XPR1: variants seen among roughly 807,000 people sequenced by gnomAD.
XPR1 encodes the protein solute carrier family 53 member 1.
Under a neutral mutation model 87.5 loss-of-function variants are expected in XPR1, and 28 were observed. That is an observed-to-expected ratio of 0.32 (90% CI 0.24 to 0.44). XPR1 has a LOEUF of 0.44. Among genes scored for constraint, XPR1 ranks in the 20% least tolerant of loss-of-function variants. The pLI is 1.00. For synonymous variants in XPR1, 300 were observed against 306.1 expected (o/e 0.98, Z 0.21); for missense variants, 559 against 862.3 (o/e 0.65, Z 4.41).
At chr1:180,773,513 T>G (rs1432110726) in intron 2 of XPR1, among the ~76,000 whole-genome samples, 1 of 152,236 alleles carries the variant, frequency 6.6e-6, no homozygotes. Flanking sequence ...TGGAAAACCA[T>G]TTTTAGCATA....
chr1:180,758,518 G>C (rs1161119326), intron 2 of XPR1, among the ~76,000 whole-genome samples: 1 of 152,114 alleles, frequency 6.6e-6, no homozygotes, highest in African/African-American at 2.4e-5. Flanking sequence ...GACCAACCTG[G>C]TCAACATGGT....
In XPR1 at chr1:180,825,838, G is replaced by A. The variant is rs569785437; in HGVS notation, c.1134+494G>A. Among the ~76,000 whole-genome samples the A allele has an allele frequency of 7.2e-5, 11 of 152,298 alleles. No homozygotes were observed. In the East Asian group the frequency reaches 2.1e-3, roughly 29 times the overall value. ...AGCCAAGGCGGGTGGATCATCTGAG[G>A]TCAGGAGTTTGAGACCAGCCTGACC... On this transcript the variant is annotated intron_variant, in intron 9 of 14. Transcript: ENST00000367590.
chr1:180,851,975 T>G (rs1440605593), intron 11 of XPR1, among the ~76,000 whole-genome samples: 1 of 151,596 alleles, frequency 6.6e-6, no homozygotes, highest in Admixed American at 6.6e-5. Flanking sequence ...ACAAAACATC[T>G]TCAATGTATC....
intron 13 of XPR1, among the ~76,000 whole-genome samples, chr1:180,876,408 A>C (rs1054131360): frequency 6.6e-6 from 1 of 152,050 alleles, no homozygotes; most frequent in Non-Finnish European, 1.5e-5. Flanking sequence ...GGCTGAGGTG[A>C]GTGGATCATT....
chr1:180,694,314 A>G (rs1474463111), intron 2 of XPR1, among the ~76,000 whole-genome samples: 1 of 152,162 alleles, frequency 6.6e-6, no homozygotes. Flanking sequence ...TCAAATTGTG[A>G]ACTAGAGCTT....
chr1:180,667,153 G>A (rs903950581), intron 1 of XPR1, among the ~76,000 whole-genome samples: 1 of 152,170 alleles, frequency 6.6e-6, no homozygotes, highest in African/African-American at 2.4e-5. Context: ...GAACTCAAGC[G>A]ATCTGCCTGC....
chr1:180,808,887 TA>T (rs1035197372), intron 6 of XPR1, among the ~76,000 whole-genome samples: 140 of 152,290 alleles, frequency 9.2e-4, no homozygotes, highest in African/African-American at 3.3e-3. Flanking sequence ...GGAAGTTTCT[TA>T]AAAGTGTACA....
chr1:180,880,242 CGGT>C lies in XPR1; in HGVS notation c.1976_1978del (p.Arg659_Ser660delinsPro). 6.2e-7 allele frequency: 1 copy of C among 1,614,158 alleles called. No individual in the cohort carries two copies. Among genetic ancestry groups the C allele is most frequent in the Admixed American group, 1.7e-5 (1 of 60,014 alleles). The stretch of plus-strand genomic sequence containing the variant: ...TGGGGTACGAAACCGCCAGAAGAAT[CGGT>C]CATGGAAGTACAACCAGAGCATATC... On this transcript the variant is annotated inframe_deletion, in exon 14 of 15. Transcript: ENST00000367590.
At chr1:180,820,349 G>T (rs890250952) in intron 7 of XPR1, among the ~76,000 whole-genome samples, 1 of 151,988 alleles carries the variant, frequency 6.6e-6, no homozygotes, top group African/African-American at 2.4e-5. Flanking sequence ...CCTATTCTGG[G>T]TATGTCCATA....
chr1:180,866,224 AAAAACAAAAAACT>A (rs1652386165), intron 12 of XPR1, among the ~76,000 whole-genome samples: 1 of 139,962 alleles, frequency 7.1e-6, no homozygotes, highest in South Asian at 2.1e-4. Flanking sequence ...AAAAAAAAAC[AAAAACAAAAAACT>A]AAAACAAAAG....
At chr1:180,780,869 C>G (rs962403862) in intron 2 of XPR1, among the ~76,000 whole-genome samples, 1 of 151,558 alleles carries the variant, frequency 6.6e-6, no homozygotes, top group African/African-American at 2.4e-5. Flanking sequence ...ATGTTTTCTC[C>G]CATTGTGTTT....
intron 2 of XPR1, among the ~76,000 whole-genome samples, chr1:180,693,981 A>G (rs1030790074): frequency 2.0e-5 from 3 of 152,178 alleles, no homozygotes; most frequent in Non-Finnish European, 4.4e-5. Flanking sequence ...TTTTAGAGAC[A>G]GGATCTTACT....
chr1:180,639,047 A>C (rs1654877226), intron 1 of XPR1, among the ~76,000 whole-genome samples: 1 of 152,224 alleles, frequency 6.6e-6, no homozygotes, highest in Admixed American at 6.5e-5. Context: ...CTGTAATCCC[A>C]GTACTTTGGG....
At chr1:180,832,690 A>T (rs537271020) in intron 9 of XPR1, among the ~76,000 whole-genome samples, 3 of 152,096 alleles carry the variant, frequency 2.0e-5, no homozygotes, top group Non-Finnish European at 4.4e-5. Context: ...TCAAAGATCA[A>T]ATGGTTGTGG....
chr1:180,797,277 G>A (rs1649621391), intron 3 of XPR1, among the ~76,000 whole-genome samples: 1 of 152,128 alleles, frequency 6.6e-6, no homozygotes, highest in African/African-American at 2.4e-5. Context: ...CATAAACAAA[G>A]AATTATATGC....
intron 3 of XPR1, among the ~76,000 whole-genome samples, chr1:180,796,144 A>G (rs185077048): frequency 7.9e-5 from 12 of 152,188 alleles, no homozygotes; most frequent in African/African-American, 2.6e-4. Flanking sequence ...GTAGATTTTC[A>G]TCATAGATCA....
intron 1 of XPR1, among the ~76,000 whole-genome samples, chr1:180,633,221 A>G (rs1654653918): frequency 6.6e-6 from 1 of 152,206 alleles, no homozygotes; most frequent in Admixed American, 6.5e-5. Flanking sequence ...GAACCCATTT[A>G]TATGTTCAGA....
intron 5 of XPR1, 90 bp from the exon 6 acceptor site, chr1:180,806,384 G>A (rs1470936690): frequency 6.7e-7 from 1 of 1,498,010 alleles, no homozygotes; most frequent in East Asian, 2.3e-5. Context: ...AAAGTTGTCA[G>A]AATATAATAT....
intron 11 of XPR1, among the ~76,000 whole-genome samples, chr1:180,852,587 C>T (rs1651899789): frequency 2.0e-5 from 3 of 152,210 alleles, no homozygotes; most frequent in Non-Finnish European, 4.4e-5. Flanking sequence ...CTCACTCTGT[C>T]ACCCAGGCAG....
Sources: gnomAD v4.1 joint callset for allele counts (sites outside exome capture counted in the v4.1 genomes callset) on GRCh38, gnomAD v4.1.1 for gene constraint, MANE v1.5 for transcripts, NCBI Gene and HGNC (gene_info 2026-07-23, HGNC 2026-07-21) for gene names.